MYBPC1: variants seen among roughly 807,000 people sequenced by gnomAD.
The protein encoded by MYBPC1 is myosin binding protein C1, also known as myosin-binding protein C, slow-type.
MYBPC1 carries 52 observed loss-of-function variants against 147.1 expected under a neutral mutation model. That is an observed-to-expected ratio of 0.35 (90% CI 0.28 to 0.45). The LOEUF (loss-of-function observed/expected upper bound fraction) is 0.45. MYBPC1 is among the 20% of genes least tolerant of loss of function. MYBPC1 has a pLI of 1.00. For missense variants in MYBPC1, 1,228 were observed against 1,440.3 expected (o/e 0.85, Z 2.39); for synonymous variants, 477 against 475.9 (o/e 1.00, Z -0.03).
At chr12:101,636,956 ACT>A (rs993481778) in intron 10 of MYBPC1, 4 of 349,744 alleles carry the variant, frequency 1.1e-5, no homozygotes, top group African/African-American at 8.7e-5. Flanking sequence ...ATGTTTCATG[ACT>A]CTTCACCTAT....
intron 28 of MYBPC1, among the ~76,000 whole-genome samples, chr12:101,679,295 G>A (rs1331700420): frequency 6.6e-6 from 1 of 152,226 alleles, no homozygotes; most frequent in East Asian, 1.9e-4. Flanking sequence ...CCGGAGCCTA[G>A]GAGAAAGGCC....
chr12:101,602,162 T>C (rs1880305061), intron 1 of MYBPC1, among the ~76,000 whole-genome samples: 1 of 152,196 alleles, frequency 6.6e-6, no homozygotes, highest in African/African-American at 2.4e-5. Context: ...ATCAACTCTT[T>C]GGGTCTCAGT....
the MYBPC1 span, among the ~76,000 whole-genome samples, chr12:101,692,069 C>A: frequency 2.0e-5 from 3 of 152,110 alleles, no homozygotes; most frequent in Non-Finnish European, 4.4e-5. Flanking sequence ...GGGTACTCCC[C>A]AACAGGGAAC....
chr12:101,648,300 A>G (rs1893660058), intron 14 of MYBPC1, 150 bp downstream of exon 14: 1 of 589,500 alleles, frequency 1.7e-6, no homozygotes, highest in South Asian at 1.8e-5. Context: ...ATAAAAGTAT[A>G]CTAATATACT....
chr12:101,638,923 T>C (rs1014530900), intron 10 of MYBPC1, among the ~76,000 whole-genome samples: 1 of 152,178 alleles, frequency 6.6e-6, no homozygotes, highest in Non-Finnish European at 1.5e-5. Flanking sequence ...TTAGAAATCA[T>C]TGTGTTTTCC....
At chr12:101,660,239 T>C in intron 19 of MYBPC1, 1 of 275,994 alleles carries the variant, frequency 3.6e-6, no homozygotes, top group Non-Finnish European at 7.1e-6. Context: ...CTTCTTACTT[T>C]AGTTTCTCCT....
In MYBPC1 at chr12:101,648,119, GA is replaced by G. The variant is rs1893611588; in HGVS notation, c.1166del (p.Glu389GlyfsTer9). ...YCGERVELEC[E>X]VSEDDANVKW... ...TGGGGAGAGAGTGGAATTAGAATGT[GA>G]GGTGTCTGAAGATGATGCCAATGTA... On this transcript the variant is annotated frameshift_variant, in exon 14 of 32. Coordinates refer to ENST00000361466, the MANE Select transcript of MYBPC1 (RefSeq NM_002465.4). LOFTEE classifies it high-confidence loss of function. 6.2e-7 allele frequency: 1 copy of G among 1,612,406 alleles called. No individual in the cohort carries two copies. Among genetic ancestry groups the G allele is most frequent in the Non-Finnish European group, 8.5e-7 (1 of 1,178,714 alleles).
At chr12:101,644,856 C>T (rs530471628) in intron 12 of MYBPC1, 60 bp downstream of exon 12, 76 of 1,477,990 alleles carry the variant, frequency 5.1e-5, no homozygotes, top group Admixed American at 2.8e-4. Context: ...AATAGTAGTT[C>T]GACTGACTTT....
chr12:101,632,001 C>A lies in MYBPC1; in HGVS notation c.439-20C>A. On this transcript the variant is annotated intron_variant, in intron 7 of 31. Transcript: ENST00000361466. ...GGAAAATAAACTGAAATGTGTGTGT[C>A]TGGATGCATTTCATTGCAGGTGTAC... is the stretch of plus-strand genomic sequence containing the variant. The A allele has an allele frequency of 6.5e-7, 1 of 1,545,084 alleles. No homozygotes were observed. The highest frequency in any genetic ancestry group is 1.7e-4 in the Middle Eastern group (1 of 5,934).
In MYBPC1 at chr12:101,661,194, A is replaced by T. The variant is rs1378013820; in HGVS notation, c.1964A>T (p.Glu655Val). 6.2e-7 allele frequency: 1 copy of T among 1,613,692 alleles called. No homozygotes were observed. The highest frequency in any genetic ancestry group is 2.2e-5 in the East Asian group (1 of 44,852). The change falls in exon 20 of 32, where the codon GAG becomes GTG. Residue 655 changes from glutamate to valine, a missense_variant. Physicochemically the swap from Glu to Val is moderately radical, Grantham distance 121 (BLOSUM62 -2). Around this residue, in one of 2 missense-constraint regions of MYBPC1, gnomAD observed 1,077 missense variants for 1,314.2 expected, o/e 0.82. Transcript: ENST00000361466. ...CCTCCAGTGGCACCGACTGTGACAGAGGTGGGAGATGACTGGTGTATCATG... is the reference window on the plus strand; with the variant it reads ...CCTCCAGTGGCACCGACTGTGACAGTGGTGGGAGATGACTGGTGTATCATG... ...PDPPVAPTVT[E>V]VGDDWCIMNW... is the part of the protein sequence containing the mutation.
intron 3 of MYBPC1, among the ~76,000 whole-genome samples, chr12:101,618,366 C>T (rs560762676): frequency 5.3e-5 from 8 of 152,216 alleles, no homozygotes; most frequent in African/African-American, 1.4e-4. Context: ...GCCACGTGGG[C>T]GCAGTTTGAA....
intron 5 of MYBPC1, among the ~76,000 whole-genome samples, chr12:101,628,409 A>G (rs1889118907): frequency 6.6e-6 from 1 of 152,222 alleles, no homozygotes; most frequent in Non-Finnish European, 1.5e-5. Flanking sequence ...AAAATATGTA[A>G]TCACATGACT....
At position 101,603,301 on chromosome 12, in the gene MYBPC1, C is replaced by T. The variant is rs141533102; in HGVS notation, c.25+8206C>T. On this transcript the variant is annotated intron_variant, in intron 1 of 31. Transcript: ENST00000361466. Reference sequence around the variant, plus strand: ...CGGAGGTTGTGGTGAGCCAAGATCGCGCCATTGCACTCCAACCTGGGCAAC... The same window carrying T: ...CGGAGGTTGTGGTGAGCCAAGATCGTGCCATTGCACTCCAACCTGGGCAAC... Among the ~76,000 whole-genome samples, 931 of 151,424 alleles carry T rather than the reference C, an allele frequency of 6.1e-3. 13 individuals carry two copies. The highest frequency in any genetic ancestry group is 0.021 in the African/African-American group (861 of 41,228).
At chr12:101,634,627 A>G (rs780839371) in intron 9 of MYBPC1, 22 bp downstream of exon 9, 16 of 1,591,294 alleles carry the variant, frequency 1.0e-5, no homozygotes, top group Non-Finnish European at 1.4e-5. Context: ...AGAAAAATCT[A>G]GATAGCTTTT....
chr12:101,685,656 C>A lies in MYBPC1; in HGVS notation c.*94C>A. The A allele has an allele frequency of 6.5e-7, 1 of 1,531,104 alleles. No homozygotes were observed. The highest frequency in any genetic ancestry group is 8.8e-7 in the Non-Finnish European group (1 of 1,142,596). The allele number at this position is 1,531,104 out of a possible 1,614,324, so 94.8% of individuals were successfully genotyped here. ...AATTGATTCGTATCTGCGAGACTTA[C>A]ACTCAAGCAATCCTGAGGAATACTG... On this transcript the variant is annotated 3_prime_UTR_variant, in exon 32 of 32. Transcript: ENST00000361466.
chr12:101,598,952 A>G (rs1878658764), intron 1 of MYBPC1, among the ~76,000 whole-genome samples: 1 of 152,160 alleles, frequency 6.6e-6, no homozygotes, highest in African/African-American at 2.4e-5. Context: ...CCTTAACATG[A>G]ATTTCACTTT....
In MYBPC1 at chr12:101,646,828, A is replaced by C. The variant is rs1893254977; in HGVS notation, c.1031A>C (p.Asp344Ala). The C allele has an allele frequency of 6.2e-7, 1 of 1,613,578 alleles. No individual in the cohort carries two copies. The highest frequency in any genetic ancestry group is 8.5e-7 in the Non-Finnish European group (1 of 1,179,548). The change falls in exon 13 of 32, where the codon GAT (aspartate) becomes GCT (alanine). Residue 344 changes from aspartate to alanine, a missense_variant. Asp to Ala is a moderately radical substitution (Grantham distance 126). Transcript: ENST00000361466. The part of the protein sequence containing the change: ...LFINNCQMTD[D>A]SEYYVTAGDE... The stretch of plus-strand genomic sequence containing the variant: ...ATCAATAACTGTCAGATGACAGATG[A>C]TTCAGAGTATTATGTGACAGCCGGT...
the MYBPC1 span, among the ~76,000 whole-genome samples, chr12:101,693,067 C>T: frequency 2.6e-5 from 4 of 151,910 alleles, no homozygotes; most frequent in African/African-American, 9.7e-5. Context: ...CTGCCTCAGC[C>T]TCCCGAGTAG....
At chr12:101,674,010 G>T (rs1899296681) in intron 25 of MYBPC1, among the ~76,000 whole-genome samples, 1 of 152,150 alleles carries the variant, frequency 6.6e-6, no homozygotes, top group African/African-American at 2.4e-5. Flanking sequence ...CTGAGATCAT[G>T]CCACTGCACT....
Sources: gnomAD v4.1 joint callset for allele counts (sites outside exome capture counted in the v4.1 genomes callset) on GRCh38, gnomAD v4.1.1 for gene constraint, gnomAD v4.1.1 regional missense constraint, MANE v1.5 for transcripts, NCBI Gene and HGNC (gene_info 2026-07-23, HGNC 2026-07-21) for gene names.